NWD2: variants seen among roughly 807,000 people sequenced by gnomAD.
NWD2 encodes the protein NACHT and WD repeat domain-containing protein 2.
A neutral mutation model predicts 132.7 loss-of-function variants in NWD2; 37 were observed. The observed-to-expected ratio is 0.28, with a 90% confidence interval of 0.21 to 0.37. NWD2 has a LOEUF of 0.37. Among genes scored for constraint, NWD2 ranks in the 10% least tolerant of loss-of-function variants. The probability of loss-of-function intolerance (pLI) is 1.00; values close to 1 mark genes in which losing one functional copy is unlikely to be tolerated. For synonymous variants in NWD2, 705 were observed against 803.0 expected (o/e 0.88, Z 2.06); for missense variants, 1,592 against 2,122.4 (o/e 0.75, Z 4.91).
At chr4:37,263,621 G>A (rs1328193838) in intron 1 of NWD2, among the ~76,000 whole-genome samples, 1 of 152,104 alleles carries the variant, frequency 6.6e-6, no homozygotes, top group African/African-American at 2.4e-5. Flanking sequence ...CACTCTGCCT[G>A]GCACATAACA....
At chr4:37,256,819 G>C (rs939256728) in intron 1 of NWD2, among the ~76,000 whole-genome samples, 1 of 152,280 alleles carries the variant, frequency 6.6e-6, no homozygotes, top group East Asian at 1.9e-4. Context: ...AAAAGGATAA[G>C]AGCATTCATA....
intron 3 of NWD2, among the ~76,000 whole-genome samples, chr4:37,397,812 T>TC (rs1720828413): frequency 6.6e-6 from 1 of 152,020 alleles, no homozygotes; most frequent in African/African-American, 2.4e-5. Flanking sequence ...TCTCTCTCTC[T>TC]TTCTCCCTCC....
chr4:37,398,660 T>G (rs1489264694), intron 3 of NWD2, among the ~76,000 whole-genome samples: 1 of 152,194 alleles, frequency 6.6e-6, no homozygotes, highest in Non-Finnish European at 1.5e-5. Context: ...TGCTTTAGGG[T>G]CAGCCTTATC....
chr4:37,350,045 A>G (rs1000766992), intron 2 of NWD2, among the ~76,000 whole-genome samples: 1 of 152,082 alleles, frequency 6.6e-6, no homozygotes, highest in African/African-American at 2.4e-5. Flanking sequence ...ATTGGTCTAT[A>G]TATCTGTTTT....
At chr4:37,250,688 A>G (rs1007707649) in intron 1 of NWD2, among the ~76,000 whole-genome samples, 9 of 152,246 alleles carry the variant, frequency 5.9e-5, no homozygotes, top group African/African-American at 2.2e-4. Flanking sequence ...TCCTGCCCTC[A>G]AGGAATGCAG....
At chr4:37,251,358 A>G (rs1473536568) in intron 1 of NWD2, among the ~76,000 whole-genome samples, 1 of 152,252 alleles carries the variant, frequency 6.6e-6, no homozygotes, top group Non-Finnish European at 1.5e-5. Flanking sequence ...TTTATTCTTA[A>G]CTGGTATGTC....
intron 2 of NWD2, among the ~76,000 whole-genome samples, chr4:37,337,573 G>A (rs1719434785): frequency 6.6e-6 from 1 of 152,200 alleles, no homozygotes; most frequent in Admixed American, 6.5e-5. Context: ...GGTGTCTCCT[G>A]CAGCCCCTTT....
intron 3 of NWD2, among the ~76,000 whole-genome samples, chr4:37,426,839 G>A (rs1712022777): frequency 6.6e-6 from 1 of 152,102 alleles, no homozygotes; most frequent in African/African-American, 2.4e-5. Context: ...GCATATTTTA[G>A]GAACCAATCC....
At position 37,245,150 on chromosome 4, in the gene NWD2, C is replaced by T. The variant is rs778643721; in HGVS notation, c.83C>T (p.Thr28Met). 1 of 1,547,430 alleles carries T rather than the reference C, an allele frequency of 6.5e-7. No homozygotes were observed. Among genetic ancestry groups the T allele is most frequent in the South Asian group, 1.2e-5 (1 of 83,996 alleles). Residue 28 changes from threonine (T) to methionine (M), a missense_variant, in exon 1 of 7, where the codon ACG becomes ATG. By Grantham distance (81) the Thr-to-Met change is moderately conservative. Coordinates refer to ENST00000309447, the MANE Select transcript of NWD2 (RefSeq NM_001144990.2). ...LRRAAFSGNL[T>M]ALPSHLVPAG... ...CGGGCGGCTTTCTCTGGGAACCTCA[C>T]GGCCCTGCCCTCTCACCTCGTGCCC...
chr4:37,423,521 G>T (rs1400806612), intron 3 of NWD2, among the ~76,000 whole-genome samples: 1 of 152,166 alleles, frequency 6.6e-6, no homozygotes, highest in Non-Finnish European at 1.5e-5. Flanking sequence ...AAACAGGAGT[G>T]CCAATGGAAT....
chr4:37,357,993 A>G (rs191971972), intron 3 of NWD2, among the ~76,000 whole-genome samples: 40 of 152,232 alleles, frequency 2.6e-4, no homozygotes, highest in Admixed American at 1.7e-3. Context: ...AAGTATGAAT[A>G]GGGAGGAGGG....
At chr4:37,275,800 C>G (rs187957560) in intron 1 of NWD2, among the ~76,000 whole-genome samples, 1 of 152,218 alleles carries the variant, frequency 6.6e-6, no homozygotes, top group African/African-American at 2.4e-5. Flanking sequence ...GGCCACGTAT[C>G]TACAACTATC....
intron 3 of NWD2, among the ~76,000 whole-genome samples, chr4:37,377,458 G>A (rs997269174): frequency 1.5e-4 from 23 of 152,150 alleles, no homozygotes; most frequent in East Asian, 7.7e-4. Context: ...GAGACTGGGC[G>A]TGGTGGCTCA....
At chr4:37,252,032 A>G (rs1055709948) in intron 1 of NWD2, among the ~76,000 whole-genome samples, 3 of 152,220 alleles carry the variant, frequency 2.0e-5, no homozygotes, top group African/African-American at 7.2e-5. Flanking sequence ...AAGGAGGGTT[A>G]TGTAAACCAA....
intron 1 of NWD2, among the ~76,000 whole-genome samples, chr4:37,309,843 C>T (rs1718793770): frequency 6.6e-6 from 1 of 152,190 alleles, no homozygotes; most frequent in African/African-American, 2.4e-5. Context: ...ACATATTCTC[C>T]CATGTATTCT....
At chr4:37,382,186 G>T (rs1170946592) in intron 3 of NWD2, among the ~76,000 whole-genome samples, 2 of 152,184 alleles carry the variant, frequency 1.3e-5, no homozygotes, top group Admixed American at 6.6e-5. Flanking sequence ...TCCACACTTT[G>T]TGTTGCCAAA....
chr4:37,341,679 C>T (rs956712295), intron 2 of NWD2, among the ~76,000 whole-genome samples: 3 of 152,230 alleles, frequency 2.0e-5, no homozygotes, highest in African/African-American at 4.8e-5. Context: ...TCAAATTCCA[C>T]CTCTACTACT....
At chr4:37,398,453 G>T (rs1343635103) in intron 3 of NWD2, among the ~76,000 whole-genome samples, 2 of 152,182 alleles carry the variant, frequency 1.3e-5, no homozygotes, top group African/African-American at 4.8e-5. Flanking sequence ...CCTGTCGGAG[G>T]AGTGGGGAGA....
intron 2 of NWD2, among the ~76,000 whole-genome samples, chr4:37,346,151 AT>A (rs967344048): frequency 2.8e-4 from 42 of 151,810 alleles, no homozygotes; most frequent in African/African-American, 9.7e-4. Flanking sequence ...TGACTCTCAA[AT>A]TTATGCCTAT....
Sources: allele counts gnomAD v4.1 joint callset (sites outside exome capture counted in the v4.1 genomes callset), GRCh38; gene constraint gnomAD v4.1.1; transcripts MANE v1.5; gene names NCBI Gene and HGNC (gene_info 2026-07-23, HGNC 2026-07-21).